CSMD1: variants seen among roughly 807,000 people sequenced by gnomAD.
The protein encoded by CSMD1 is CUB and sushi domain-containing protein 1.
CSMD1 carries 213 observed loss-of-function variants against 417.5 expected under a neutral mutation model. The ratio of observed to expected loss-of-function variants is 0.51; its 90% CI spans 0.46 to 0.57. The LOEUF (loss-of-function observed/expected upper bound fraction) is 0.57. Among genes scored for constraint, CSMD1 ranks in the 20% least tolerant of loss-of-function variants. The probability of loss-of-function intolerance (pLI) is 0.00; values close to 1 mark genes in which losing one functional copy is unlikely to be tolerated. For synonymous variants in CSMD1, 2,862 were observed against 1,736.8 expected (o/e 1.65, Z -16.11); for missense variants, 6,923 against 4,529.7 (o/e 1.53, Z -15.17).
intron 1 of CSMD1, among the ~76,000 whole-genome samples, chr8:4,699,894 G>A (rs2116811394): frequency 6.6e-6 from 1 of 152,250 alleles, no homozygotes; most frequent in African/African-American, 2.4e-5. Context: ...CAGATATAAT[G>A]GAATCCTTTG....
rs376937478 is a variant in CSMD1 at position 3,187,200 on chromosome 8, CT to C, written c.5620+668del. 2.3e-3 allele frequency among the ~76,000 whole-genome samples: 354 copies of C among 152,286 alleles called. 3 individuals carry two copies. The highest frequency in any genetic ancestry group is 8.1e-3 in the African/African-American group (338 of 41,556). On this transcript the variant is annotated intron_variant, in intron 36 of 69. Transcript: ENST00000635120. ...TGCTCATGAAGTTTGAGTCCTAATG[CT>C]ATTACAGTGTAATGCTATTACAAAG...
At chr8:3,709,678 A>ATTTTTTTTTTTTTTTT (rs1563296488) in intron 6 of CSMD1, among the ~76,000 whole-genome samples, 4 of 24,310 alleles carry the variant, frequency 1.6e-4, no homozygotes, top group Admixed American at 5.6e-4. Context: ...TTGCAGCAGC[A>ATTTTTTTTTTTTTTTT]TGTTTTTTTT....
intron 2 of CSMD1, among the ~76,000 whole-genome samples, chr8:4,497,710 G>A (rs146388526): frequency 6.6e-6 from 1 of 152,294 alleles, no homozygotes; most frequent in East Asian, 1.9e-4. Context: ...TAGTGTGCAA[G>A]CTAAAAATAC....
chr8:4,444,444 C>A (rs1054747375), intron 2 of CSMD1, among the ~76,000 whole-genome samples: 13 of 147,088 alleles, frequency 8.8e-5, no homozygotes. Context: ...AGATCAACAG[C>A]ATGTGAGAAA....
At chr8:4,585,503 G>A (rs1462091219) in intron 2 of CSMD1, among the ~76,000 whole-genome samples, 1 of 152,004 alleles carries the variant, frequency 6.6e-6, no homozygotes, top group Non-Finnish European at 1.5e-5. Flanking sequence ...AATGAAAGAA[G>A]TATTTGAAGA....
At chr8:3,762,058 A>C (rs1178172651) in intron 5 of CSMD1, among the ~76,000 whole-genome samples, 1 of 152,028 alleles carries the variant, frequency 6.6e-6, no homozygotes, top group African/African-American at 2.4e-5. Flanking sequence ...TCAATTTTTT[A>C]AATGAAAAAA....
In CSMD1 at chr8:3,994,446, A is replaced by AG. The variant is rs200902830; in HGVS notation, c.818+3456dup. Reference sequence around the variant, plus strand: ...ATAGGCTACACCATCAAATCTCTTCAGAAAAAAAAAAAAAAAAAAAGAACA... The same window carrying AG: ...ATAGGCTACACCATCAAATCTCTTCAGGAAAAAAAAAAAAAAAAAAAGAACA... On this transcript the variant is annotated intron_variant, in intron 5 of 69. Transcript: ENST00000635120. Among the ~76,000 whole-genome samples the AG allele has an allele frequency of 4.9e-3, 471 of 95,326 alleles. 8 individuals carry two copies. In the South Asian group the frequency reaches 0.064, roughly 13 times the overall value. 62.5% of individuals were successfully genotyped at this position (95,326 alleles called of 152,430 possible).
intron 18 of CSMD1, among the ~76,000 whole-genome samples, chr8:3,376,714 AAC>A (rs1318745337): frequency 6.6e-6 from 1 of 152,176 alleles, no homozygotes; most frequent in African/African-American, 2.4e-5. Flanking sequence ...TAATGTTAAA[AAC>A]ACACTGAACT....
chr8:4,923,186 T>A (rs75337725), intron 1 of CSMD1, among the ~76,000 whole-genome samples: 2 of 152,308 alleles, frequency 1.3e-5, no homozygotes, highest in Middle Eastern at 3.4e-3. Flanking sequence ...ATGACCACTG[T>A]CATTTTCTTT....
rs1435014954 is a variant in CSMD1 at position 3,387,563 on chromosome 8, G to A, written c.2713C>T (p.Leu905=). ...CAGACGAGGGGCTCGTCGTCACTTAGTGTGTACCCCGGGTCACAGCTGAAA... is the reference window on the plus strand; with the variant it reads ...CAGACGAGGGGCTCGTCGTCACTTAATGTGTACCCCGGGTCACAGCTGAAA... The part of the protein sequence containing the change: ...VTFSCDPGYT[L]SDDEPLVCER... Residue 905 remains leucine, a synonymous_variant, in exon 18 of 70, where the codon CTA becomes TTA. Transcript: ENST00000635120. 2 of 1,602,318 alleles carry A rather than the reference G, an allele frequency of 1.2e-6. No homozygotes were observed. The highest frequency in any genetic ancestry group is 1.3e-5 in the African/African-American group (1 of 74,824).
At chr8:4,744,548 G>C (rs1810827303) in intron 1 of CSMD1, among the ~76,000 whole-genome samples, 1 of 152,122 alleles carries the variant, frequency 6.6e-6, no homozygotes, top group Non-Finnish European at 1.5e-5. Flanking sequence ...ATTTAGAGTA[G>C]CTACCTCAAT....
intron 1 of CSMD1, among the ~76,000 whole-genome samples, chr8:4,796,845 T>G (rs147048383): frequency 6.6e-6 from 1 of 152,152 alleles, no homozygotes; most frequent in African/African-American, 2.4e-5. Context: ...TCTTGGACAA[T>G]TGCAAAGGTC....
At chr8:4,539,688 G>A (rs904015655) in intron 2 of CSMD1, among the ~76,000 whole-genome samples, 1 of 152,148 alleles carries the variant, frequency 6.6e-6, no homozygotes, top group Non-Finnish European at 1.5e-5. Flanking sequence ...GATTATAGTA[G>A]GGGAAAATAT....
intron 1 of CSMD1, among the ~76,000 whole-genome samples, chr8:4,793,526 A>C (rs984549643): frequency 5.3e-5 from 8 of 152,040 alleles, no homozygotes; most frequent in Admixed American, 3.9e-4. Context: ...ACCAGGGCAC[A>C]GTCATAGCTG....
intron 5 of CSMD1, among the ~76,000 whole-genome samples, chr8:3,778,110 T>C (rs1010822050): frequency 6.6e-6 from 1 of 152,214 alleles, no homozygotes; most frequent in African/African-American, 2.4e-5. Flanking sequence ...AGCATTATCT[T>C]GAGAAAGACT....
chr8:3,263,159 C>G (rs1382993829), intron 26 of CSMD1, among the ~76,000 whole-genome samples: 1 of 152,146 alleles, frequency 6.6e-6, no homozygotes, highest in Non-Finnish European at 1.5e-5. Flanking sequence ...AGTGCAGTGG[C>G]ATGATCGCAG....
intron 5 of CSMD1, among the ~76,000 whole-genome samples, chr8:3,958,476 T>C (rs768791302): frequency 1.2e-4 from 19 of 152,186 alleles, no homozygotes; most frequent in Admixed American, 3.9e-4. Context: ...TGAATTATAA[T>C]TGAAATTGTT....
intron 52 of CSMD1, among the ~76,000 whole-genome samples, chr8:3,013,784 A>G (rs1808604655): frequency 6.6e-6 from 1 of 151,900 alleles, no homozygotes; most frequent in Non-Finnish European, 1.5e-5. Flanking sequence ...GTCCTCAAAG[A>G]TCATAGGTAC....
At chr8:4,403,310 T>G (rs1422529372) in intron 3 of CSMD1, among the ~76,000 whole-genome samples, 12 of 152,186 alleles carry the variant, frequency 7.9e-5, no homozygotes, top group Admixed American at 7.9e-4. Flanking sequence ...TTTCTACAAC[T>G]ATTCCATTTC....
Sources: allele counts gnomAD v4.1 joint callset (sites outside exome capture counted in the v4.1 genomes callset), GRCh38; gene constraint gnomAD v4.1.1; transcripts MANE v1.5; gene names NCBI Gene and HGNC (gene_info 2026-07-23, HGNC 2026-07-21).